The following EXOC3L2 variants were observed in gnomAD, a reference collection of about 807,000 sequenced individuals.
The protein encoded by EXOC3L2 is exocyst complex component 3 like 2, also known as exocyst complex component 3-like protein 2.
Under a neutral mutation model 44.4 loss-of-function variants are expected in EXOC3L2, and 17 were observed. That is an observed-to-expected ratio of 0.38 (90% CI 0.26 to 0.57). The LOEUF (loss-of-function observed/expected upper bound fraction) is 0.57. EXOC3L2 is among the 20% of genes least tolerant of loss of function. EXOC3L2 has a pLI of 0.65. For missense variants in EXOC3L2, 541 were observed against 588.4 expected, an observed-to-expected ratio of 0.92 and a Z score of 0.83; for synonymous variants, 256 against 253.7, an observed-to-expected ratio of 1.01 and a Z score of -0.09.
intron 8 of EXOC3L2, among the ~76,000 whole-genome samples, chr19:45,218,882 G>A (rs1215235473): frequency 6.6e-6 from 1 of 152,088 alleles, no homozygotes. Context: ...AGGGTAGCTT[G>A]AGCCCAAGAG....
At chr19:45,231,720 C>T (rs1970033822) in intron 4 of EXOC3L2, 43 bp downstream of exon 4, 5 of 1,553,038 alleles carry the variant, frequency 3.2e-6, no homozygotes, top group Non-Finnish European at 3.5e-6. Context: ...GACCCCCTCC[C>T]TCCACAGCAC....
chr19:45,215,880 G>A (rs115906914), intron 11 of EXOC3L2, among the ~76,000 whole-genome samples, 193 bp downstream of exon 11: 3,940 of 152,248 alleles, frequency 0.026, 186 homozygotes, highest in African/African-American at 0.09. Flanking sequence ...TGGCGGTGGC[G>A]GCGGAGGCAG....
At position 45,218,190 on chromosome 19, in the gene EXOC3L2, G is replaced by C. The variant is rs939421630; in HGVS notation, c.1842+7C>G. On this transcript the variant is annotated splice_region_variant and intron_variant, in intron 9 of 11. Transcript: ENST00000413988. ...CCCCCACCTCCCCTCCCCTCAGGCA[G>C]GTGCACCTGGTAAGGCTCGTCCTGC... The C allele has an allele frequency of 2.6e-5, 17 of 650,636 alleles. No homozygotes were observed. Among genetic ancestry groups the C allele is most frequent in the Non-Finnish European group, 3.7e-5 (17 of 460,176 alleles). 40.3% of individuals were successfully genotyped at this position (650,636 alleles called of 1,614,324 possible).
Position 45,245,407 on chromosome 19 carries a change from T to G in EXOC3L2, c.-83A>C, listed in dbSNP as rs1970162031. 1 of 152,488 alleles carries G rather than the reference T, an allele frequency of 6.6e-6. No homozygotes were observed. The highest frequency in any genetic ancestry group is 1.5e-5 in the Non-Finnish European group (1 of 68,218). The allele number at this position is 152,488 out of a possible 1,614,324, so 9.4% of individuals were successfully genotyped here. A position where few individuals can be genotyped will look rare whatever the true frequency, so the allele number is the denominator to read the frequency against. ...GTCCCCAGGCTACTTCAGCCAGGAC[T>G]GCTGGGAGCTTGGATCTGAGTTGGG... On this transcript the variant is annotated 5_prime_UTR_variant, in exon 1 of 12. Coordinates refer to ENST00000413988, the MANE Select transcript of EXOC3L2 (RefSeq NM_001382422.1).
At chr19:45,217,866 C>T (rs79186375) in intron 9 of EXOC3L2, among the ~76,000 whole-genome samples, 183 bp from the exon 10 acceptor site, 1,897 of 152,090 alleles carry the variant, frequency 0.012, 41 homozygotes, top group African/African-American at 0.044. Flanking sequence ...TTCCCTGGCC[C>T]CCTAATTAGC....
chr19:45,240,355 G>A (rs1197738693), intron 1 of EXOC3L2, among the ~76,000 whole-genome samples: 2 of 151,450 alleles, frequency 1.3e-5, no homozygotes, highest in East Asian at 3.9e-4. Context: ...TGGCCTCAAG[G>A]GATCTATCCA....
At chr19:45,223,658 A>T (rs1025382825) in intron 8 of EXOC3L2, among the ~76,000 whole-genome samples, 1 of 149,834 alleles carries the variant, frequency 6.7e-6, no homozygotes, top group Non-Finnish European at 1.5e-5. Context: ...TCTGTTTTAA[A>T]TGGGGCAATC....
At chr19:45,216,006 G>A (rs919763172) in intron 11 of EXOC3L2, 67 bp downstream of exon 11, 38 of 1,592,644 alleles carry the variant, frequency 2.4e-5, no homozygotes, top group South Asian at 1.0e-4. Flanking sequence ...GCACAGGGAC[G>A]GATGCCAAGG....
chr19:45,216,779 G>A (rs1212459812), intron 10 of EXOC3L2: 2 of 152,114 alleles, frequency 1.3e-5, no homozygotes, highest in Non-Finnish European at 2.9e-5. Flanking sequence ...GTACAAGGAA[G>A]CTCCCTGCAT....
At chr19:45,222,479 G>A (rs1437667499) in intron 8 of EXOC3L2, among the ~76,000 whole-genome samples, 1 of 152,126 alleles carries the variant, frequency 6.6e-6, no homozygotes, top group East Asian at 1.9e-4. Flanking sequence ...AAGATTACAG[G>A]CATGAGCCAC....
rs534423978 is a variant in EXOC3L2 at position 45,241,432 on chromosome 19, C to A, written c.-16-2371G>T. On this transcript the variant is annotated intron_variant, in intron 1 of 11. Transcript: ENST00000413988. ...GGCGGAGATTGCAGTGAGCTGAGAT[C>A]GCGCCACTGCACTCCAGCCTGGGCG... 1.3e-3 allele frequency among the ~76,000 whole-genome samples: 197 copies of A among 148,862 alleles called. 1 individual carries two copies. Among genetic ancestry groups the A allele is most frequent in the African/African-American group, 4.7e-3 (191 of 40,324 alleles).
intron 8 of EXOC3L2, 34 bp from the exon 9 acceptor site, chr19:45,218,353 T>TTGCCCCCC: frequency 6.7e-7 from 1 of 1,495,210 alleles, no homozygotes; most frequent in Non-Finnish European, 9.1e-7. Flanking sequence ...CACGCTCTCC[T>TTGCCCCCC]CCCTCCCACC....
At chr19:45,244,238 C>T (rs893499262) in intron 1 of EXOC3L2, among the ~76,000 whole-genome samples, 3 of 152,186 alleles carry the variant, frequency 2.0e-5, no homozygotes, top group African/African-American at 4.8e-5. Context: ...CTCTTTCATC[C>T]TCTGAACTGG....
At chr19:45,213,589 A>G (rs550170663) in intron 11 of EXOC3L2, among the ~76,000 whole-genome samples, 1 of 151,740 alleles carries the variant, frequency 6.6e-6, no homozygotes, top group Non-Finnish European at 1.5e-5. Flanking sequence ...CCCCCTTACA[A>G]CCAACCCCAG....
At chr19:45,227,105 CA>C (rs944394524) in intron 7 of EXOC3L2, among the ~76,000 whole-genome samples, 33 of 142,242 alleles carry the variant, frequency 2.3e-4, no homozygotes, top group South Asian at 8.9e-4. Context: ...GATAAAAAGG[CA>C]AAAAAAAAAT....
chr19:45,239,145 G>A (rs1334464813), intron 1 of EXOC3L2, 84 bp from the exon 2 acceptor site: 2 of 397,896 alleles, frequency 5.0e-6, no homozygotes, highest in Middle Eastern at 6.2e-4. Context: ...GAGCACTTTG[G>A]GGTGAGCGTA....
chr19:45,232,747 C>G (rs1054391610), intron 3 of EXOC3L2, among the ~76,000 whole-genome samples: 8 of 152,136 alleles, frequency 5.3e-5, no homozygotes, highest in African/African-American at 1.9e-4. Flanking sequence ...GTTCTGGGTG[C>G]TACCCTTATA....
At chr19:45,227,047 C>T (rs1214989151) in intron 7 of EXOC3L2, among the ~76,000 whole-genome samples, 1 of 150,154 alleles carries the variant, frequency 6.7e-6, no homozygotes, top group Non-Finnish European at 1.5e-5. Flanking sequence ...GCCACGATGC[C>T]TGGCCCCCAT....
At chr19:45,239,216 C>CTTTTT (rs34721897) in intron 1 of EXOC3L2, among the ~76,000 whole-genome samples, 155 bp from the exon 2 acceptor site, 7 of 122,592 alleles carry the variant, frequency 5.7e-5, no homozygotes, top group Non-Finnish European at 6.6e-5. Flanking sequence ...AAGATGGGGA[C>CTTTTT]TTTTTTTTTT....
Sources: gnomAD v4.1 joint callset for allele counts (sites outside exome capture counted in the v4.1 genomes callset) on GRCh38, gnomAD v4.1.1 for gene constraint, MANE v1.5 for transcripts, NCBI Gene and HGNC (gene_info 2026-07-23, HGNC 2026-07-21) for gene names.